C9orf85: variants seen among roughly 807,000 people sequenced by gnomAD.
C9orf85 encodes uncharacterized protein C9orf85.
In C9orf85, 16 loss-of-function variants were observed where a neutral mutation model predicts 14.9. That is an observed-to-expected ratio of 1.08 (90% CI 0.73 to 1.63). The LOEUF (loss-of-function observed/expected upper bound fraction) is 1.63, where lower values mean the gene tolerates loss of function less well. Among genes scored for constraint, C9orf85 ranks in the 40% most tolerant of loss-of-function variants. The pLI is 0.00. For missense variants in C9orf85, 172 were observed against 186.1 expected (o/e 0.92, Z 0.44); for synonymous variants, 45 against 56.8 (o/e 0.79, Z 0.93).
At chr9:71,961,685 G>A (rs543984007) in intron 2 of C9orf85, among the ~76,000 whole-genome samples, 1 of 152,184 alleles carries the variant, frequency 6.6e-6, no homozygotes, top group Non-Finnish European at 1.5e-5. Context: ...TGGCTGTATT[G>A]TCGTTTGTTG....
At chr9:71,939,136 T>G (rs1229856724) in intron 1 of C9orf85, among the ~76,000 whole-genome samples, 1 of 151,756 alleles carries the variant, frequency 6.6e-6, no homozygotes, top group Non-Finnish European at 1.5e-5. Context: ...ATAAAATTGA[T>G]CTGTAGAGGT....
At chr9:71,922,865 C>T (rs929631406) in intron 1 of C9orf85, among the ~76,000 whole-genome samples, 1 of 152,236 alleles carries the variant, frequency 6.6e-6, no homozygotes, top group African/African-American at 2.4e-5. Context: ...CGTCATGGCT[C>T]ACGCCTGTAA....
intron 1 of C9orf85, among the ~76,000 whole-genome samples, chr9:71,919,728 T>C (rs575515252): frequency 1.3e-5 from 2 of 152,336 alleles, no homozygotes; most frequent in South Asian, 4.1e-4. Flanking sequence ...CGTACTATTG[T>C]TTACCTTTTA....
intron 1 of C9orf85, among the ~76,000 whole-genome samples, chr9:71,940,648 G>T (rs946526954): frequency 6.6e-6 from 1 of 152,100 alleles, no homozygotes; most frequent in South Asian, 2.1e-4. Context: ...ATGCAAAATG[G>T]TACAGCAACA....
intron 2 of C9orf85, among the ~76,000 whole-genome samples, chr9:71,964,998 G>A (rs1388718084): frequency 1.3e-5 from 2 of 152,186 alleles, no homozygotes; most frequent in Non-Finnish European, 2.9e-5. Context: ...ACACCCTACC[G>A]GATCCAGAGG....
chr9:71,922,317 G>A lies in C9orf85; in HGVS notation c.102+10481G>A, dbSNP rs539362832. Among the ~76,000 whole-genome samples the A allele has an allele frequency of 5.3e-5, 8 of 152,098 alleles. No homozygotes were observed. In the East Asian group the frequency reaches 9.7e-4, roughly 18 times the overall value. ...ATTTGGTTTGTACATACCCTAACCCGATGCAATTTTCCAACCTTTCAATGC... is the reference window on the plus strand; with the variant it reads ...ATTTGGTTTGTACATACCCTAACCCAATGCAATTTTCCAACCTTTCAATGC... On this transcript the variant is annotated intron_variant, in intron 1 of 3. Transcript: ENST00000334731.
intron 2 of C9orf85, among the ~76,000 whole-genome samples, chr9:71,950,866 A>C (rs935699897): frequency 6.6e-6 from 1 of 152,202 alleles, no homozygotes; most frequent in Non-Finnish European, 1.5e-5. Flanking sequence ...TTCTTTTAGA[A>C]GTAATAATAT....
At chr9:71,961,025 G>A (rs1370740013) in intron 2 of C9orf85, among the ~76,000 whole-genome samples, 1 of 147,638 alleles carries the variant, frequency 6.8e-6, no homozygotes, top group African/African-American at 2.5e-5. Flanking sequence ...TGATTCTCCT[G>A]CCTCAGCCTC....
At chr9:71,953,076 G>C (rs113063941) in intron 2 of C9orf85, among the ~76,000 whole-genome samples, 1 of 152,038 alleles carries the variant, frequency 6.6e-6, no homozygotes. Context: ...CCCAGGAAGG[G>C]TGCTACTGAC....
Position 71,911,656 on chromosome 9 carries a change from T to C in C9orf85, c.-79T>C, listed in dbSNP as rs1366796492. 6.5e-6 allele frequency: 8 copies of C among 1,238,370 alleles called. No homozygotes were observed. Among genetic ancestry groups the C allele is most frequent in the African/African-American group, 1.5e-5 (1 of 67,698 alleles). 76.7% of individuals were successfully genotyped at this position (1,238,370 alleles called of 1,614,324 possible). ...TCCGGGTCATTGACAGAAGCGTCAA[T>C]TCCTGGGAGTAGTTCGTTGGTTTTC... On this transcript the variant is annotated 5_prime_UTR_variant, in exon 1 of 4. Coordinates refer to ENST00000334731, the MANE Select transcript of C9orf85 (RefSeq NM_182505.5).
chr9:71,912,276 T>C (rs1167477871), intron 1 of C9orf85, among the ~76,000 whole-genome samples: 1 of 152,230 alleles, frequency 6.6e-6, no homozygotes, highest in Non-Finnish European at 1.5e-5. Context: ...TGTCTTAGGC[T>C]GTCCTCACTA....
At chr9:71,913,307 C>G (rs563157339) in intron 1 of C9orf85, among the ~76,000 whole-genome samples, 4 of 152,272 alleles carry the variant, frequency 2.6e-5, no homozygotes, top group Non-Finnish European at 5.9e-5. Flanking sequence ...TAAGCACCTT[C>G]CGTGTGCAAG....
At chr9:71,972,461 G>A (rs570288323) in intron 3 of C9orf85, among the ~76,000 whole-genome samples, 4 of 152,238 alleles carry the variant, frequency 2.6e-5, no homozygotes, top group Admixed American at 2.0e-4. Flanking sequence ...GTTTTGCCAC[G>A]TTGGCCAGGC....
chr9:71,946,809 A>C (rs1190424305), intron 1 of C9orf85, among the ~76,000 whole-genome samples, 197 bp from the exon 2 acceptor site: 1 of 152,108 alleles, frequency 6.6e-6, no homozygotes, highest in South Asian at 2.1e-4. Flanking sequence ...AAAAACAAAA[A>C]AAAAAGAACG....
intron 1 of C9orf85, among the ~76,000 whole-genome samples, chr9:71,938,710 G>A (rs966414738): frequency 2.6e-5 from 4 of 151,668 alleles, no homozygotes; most frequent in Non-Finnish European, 5.9e-5. Flanking sequence ...TTCTTACAAT[G>A]TTGTTCATAT....
downstream of C9orf85, among the ~76,000 whole-genome samples, chr9:71,978,081 T>C (rs1347239363): frequency 6.6e-6 from 1 of 152,182 alleles, no homozygotes; most frequent in African/African-American, 2.4e-5. Context: ...TAGTAAACAT[T>C]TATATGTAAA....
chr9:71,985,171 T>C (rs1290283050), downstream of C9orf85: 1 of 152,236 alleles, frequency 6.6e-6, no homozygotes, highest in African/African-American at 2.4e-5. Context: ...CATCTATTTG[T>C]TTTACATTTT....
intron 1 of C9orf85, among the ~76,000 whole-genome samples, chr9:71,936,822 G>C (rs1212342409): frequency 7.5e-6 from 1 of 133,124 alleles, no homozygotes; most frequent in East Asian, 2.2e-4. Context: ...CCAGTGGTAT[G>C]ATCACAGTTC....
intron 2 of C9orf85, among the ~76,000 whole-genome samples, chr9:71,956,370 C>A (rs1316773595): frequency 6.6e-6 from 1 of 151,168 alleles, no homozygotes; most frequent in Non-Finnish European, 1.5e-5. Flanking sequence ...CTGCCTCAGC[C>A]TCCCAAGTAG....
Sources: gnomAD v4.1 joint callset for allele counts (sites outside exome capture counted in the v4.1 genomes callset) on GRCh38, gnomAD v4.1.1 for gene constraint, MANE v1.5 for transcripts, NCBI Gene and HGNC (gene_info 2026-07-23, HGNC 2026-07-21) for gene names.